Variants in MAP3K2 observed in about 807,000 individuals in gnomAD.
The protein encoded by MAP3K2 is MAP/ERK kinase kinase 2.
In MAP3K2, 24 loss-of-function variants were observed where a neutral mutation model predicts 80.3. That is an observed-to-expected ratio of 0.30 (90% CI 0.22 to 0.42). MAP3K2 has a LOEUF of 0.42. Ranked by LOEUF, MAP3K2 falls within the 10% of genes least tolerant of loss-of-function variation. The pLI is 1.00. For missense variants in MAP3K2, 608 were observed against 750.1 expected (o/e 0.81, Z 2.21); for synonymous variants, 244 against 253.7 (o/e 0.96, Z 0.36).
At position 127,302,037 on chromosome 2, in the gene MAP3K2, GA is replaced by G. The variant is rs1181737724; in HGVS notation, c.*5541del. ...CATGCTTCCCCTAGCCAACCAAAAA[GA>G]GGTACAAGAGAATTTCCTTGTGAAT... On this transcript the variant is annotated 3_prime_UTR_variant, in exon 17 of 17. Transcript: ENST00000682094. 1 of 152,176 alleles carries G rather than the reference GA, an allele frequency of 6.6e-6. No individual in the cohort carries two copies. The highest frequency in any genetic ancestry group is 2.4e-5 in the African/African-American group (1 of 41,444). 9.4% of individuals were successfully genotyped at this position (152,176 alleles called of 1,614,324 possible).
Position 127,322,282 on chromosome 2 carries a change from C to A in MAP3K2, c.839-30G>T, listed in dbSNP as rs558560622. 5 of 1,370,262 alleles carry A rather than the reference C, an allele frequency of 3.6e-6. No homozygotes were observed. The South Asian group carries it at 6.0e-5, about 17-fold the overall frequency. The allele number at this position is 1,370,262 out of a possible 1,614,324, so 84.9% of individuals were successfully genotyped here. A position where few individuals can be genotyped will look rare whatever the true frequency, so the allele number is the denominator to read the frequency against. ...AAAATGAAAAGAGAATGACCTTATA[C>A]CTTTTATTAATATGTTATACTTTTA... is the stretch of plus-strand genomic sequence containing the variant. On this transcript the variant is annotated intron_variant, in intron 11 of 16. Transcript: ENST00000682094. This position sits in a 1 kb window ranked among gnomAD's most constrained non-coding sequence, Gnocchi z 4.2.
At chr2:127,376,486 T>C (rs998914809) in intron 1 of MAP3K2, among the ~76,000 whole-genome samples, 8 of 152,212 alleles carry the variant, frequency 5.3e-5, no homozygotes, top group African/African-American at 1.9e-4. Context: ...CCTGGTCCCC[T>C]AGCCCGCTCT....
Position 127,387,648 on chromosome 2 carries a change from C to G in MAP3K2, c.-262G>C, listed in dbSNP as rs1687394835. 1 of 985,104 alleles carries G rather than the reference C, an allele frequency of 1.0e-6. No individual in the cohort carries two copies. Among genetic ancestry groups the G allele is most frequent in the Non-Finnish European group, 1.2e-6 (1 of 829,812 alleles). 61.0% of individuals were successfully genotyped at this position (985,104 alleles called of 1,614,324 possible). On this transcript the variant is annotated 5_prime_UTR_variant, in exon 1 of 17. Transcript: ENST00000682094. ...AGGCCCGTCCCTCTTTCACATGAAG[C>G]CCGGGCCGGGCGGGGTGGCGGGCGC... is the stretch of plus-strand genomic sequence containing the variant.
At chr2:127,318,708 C>A (rs1685955493) in intron 12 of MAP3K2, among the ~76,000 whole-genome samples, 1 of 152,192 alleles carries the variant, frequency 6.6e-6, no homozygotes, top group African/African-American at 2.4e-5. Flanking sequence ...GAAAGAGTAT[C>A]ATTCCCATCC....
At chr2:127,387,205 T>A (rs116946164) in intron 1 of MAP3K2, among the ~76,000 whole-genome samples, 1 of 152,120 alleles carries the variant, frequency 6.6e-6, no homozygotes, top group African/African-American at 2.4e-5. Context: ...GCAGGGTACG[T>A]GTCTGACAGC....
At chr2:127,317,570 C>T in intron 14 of MAP3K2, 59 bp downstream of exon 14, 3 of 1,390,016 alleles carry the variant, frequency 2.2e-6, no homozygotes, top group Admixed American at 2.8e-5. Context: ...TGTTGTTTTT[C>T]TTTTATTAAC....
At chr2:127,382,303 T>C (rs1015328300) in intron 1 of MAP3K2, among the ~76,000 whole-genome samples, 2 of 152,234 alleles carry the variant, frequency 1.3e-5, no homozygotes, top group Non-Finnish European at 2.9e-5. Flanking sequence ...ATAATGTCCA[T>C]AGCTTAGTTT....
At chr2:127,383,646 C>G (rs1027200150) in intron 1 of MAP3K2, among the ~76,000 whole-genome samples, 6 of 152,146 alleles carry the variant, frequency 3.9e-5, no homozygotes, top group African/African-American at 1.4e-4. Flanking sequence ...ACTTTTCCAA[C>G]TTGGATGCAT....
Position 127,304,652 on chromosome 2 carries a change from A to G in MAP3K2, c.*2927T>C, listed in dbSNP as rs1685661635. The G allele has an allele frequency of 6.6e-6, 1 of 152,604 alleles. No homozygotes were observed. Among genetic ancestry groups the G allele is most frequent in the African/African-American group, 2.4e-5 (1 of 41,456 alleles). The allele number at this position is 152,604 out of a possible 1,614,324, so 9.5% of individuals were successfully genotyped here. A position where few individuals can be genotyped will look rare whatever the true frequency, so the allele number is the denominator to read the frequency against. ...AAAACACATTTAGAGTTATCTTAAAAAGTTCAAATTGCATTTGTTGATCCA... is the reference window on the plus strand; with the variant it reads ...AAAACACATTTAGAGTTATCTTAAAGAGTTCAAATTGCATTTGTTGATCCA... On this transcript the variant is annotated 3_prime_UTR_variant, in exon 17 of 17. Transcript: ENST00000682094.
intron 6 of MAP3K2, 37 bp downstream of exon 6, chr2:127,330,355 C>T: frequency 9.9e-7 from 1 of 1,012,894 alleles, no homozygotes; most frequent in East Asian, 2.5e-5. Context: ...AGCCTAAGTC[C>T]TATAATTCTT....
Position 127,387,686 on chromosome 2 carries a change from AGC to A in MAP3K2, c.-302_-301del. ...GGGTGGCGGGCGCGTGAATCCTCGCAGCCGGCCGGGTCCTCCTGGCGCTCCTC... is the reference window on the plus strand; with the variant it reads ...GGGTGGCGGGCGCGTGAATCCTCGCACGGCCGGGTCCTCCTGGCGCTCCTC... On this transcript the variant is annotated 5_prime_UTR_variant, in exon 1 of 17. Transcript: ENST00000682094. 1 of 985,068 alleles carries A rather than the reference AGC, an allele frequency of 1.0e-6. No homozygotes were observed. Among genetic ancestry groups the A allele is most frequent in the Non-Finnish European group, 1.2e-6 (1 of 829,890 alleles). 61.0% of individuals were successfully genotyped at this position (985,068 alleles called of 1,614,324 possible). A position where few individuals can be genotyped will look rare whatever the true frequency, so the allele number is the denominator to read the frequency against.
At chr2:127,383,385 C>T (rs1263790837) in intron 1 of MAP3K2, among the ~76,000 whole-genome samples, 1 of 152,106 alleles carries the variant, frequency 6.6e-6, no homozygotes, top group Non-Finnish European at 1.5e-5. Context: ...TGTAGTTCTC[C>T]TTATAGAGAT....
intron 1 of MAP3K2, among the ~76,000 whole-genome samples, chr2:127,373,070 C>A (rs1434044277): frequency 6.6e-6 from 1 of 152,178 alleles, no homozygotes; most frequent in Non-Finnish European, 1.5e-5. Flanking sequence ...ATTTACAATA[C>A]CAGCAATCAA....
At chr2:127,340,708 G>A (rs1194027005) in intron 2 of MAP3K2, among the ~76,000 whole-genome samples, 4 of 151,352 alleles carry the variant, frequency 2.6e-5, no homozygotes, top group Non-Finnish European at 5.9e-5. Context: ...ACTAGGGATA[G>A]ATGAACTCTA....
chr2:127,383,520 T>A lies in MAP3K2; in HGVS notation c.-66+3932A>T, dbSNP rs139753821. On this transcript the variant is annotated intron_variant, in intron 1 of 16. Transcript: ENST00000682094. The stretch of plus-strand genomic sequence containing the variant: ...AGAAATGCTCCTCATTTTTGTACAC[T>A]GATTTTGTATTGACACTTTACTGGA... 2.4e-4 allele frequency among the ~76,000 whole-genome samples: 36 copies of A among 152,382 alleles called. 1 individual carries two copies. In the South Asian group the frequency reaches 3.3e-3, roughly 14 times the overall value.
rs1219159188 is a variant in MAP3K2, at chr2:127,304,045, ACT to A, written c.*3532_*3533del. ...CAGTTTCTTTGGGAATAAGGTAAAGACTCTCTCAAGTGAAAGCCAATCCAATT... is the reference window on the plus strand; with the variant it reads ...CAGTTTCTTTGGGAATAAGGTAAAGACTCTCAAGTGAAAGCCAATCCAATT... On this transcript the variant is annotated 3_prime_UTR_variant, in exon 17 of 17. Coordinates refer to ENST00000682094, the MANE Select transcript of MAP3K2 (RefSeq NM_001371910.2). The A allele has an allele frequency of 2.0e-5, 3 of 152,084 alleles. No homozygotes were observed. The highest frequency in any genetic ancestry group is 7.2e-5 in the African/African-American group (3 of 41,426). 9.4% of individuals were successfully genotyped at this position (152,084 alleles called of 1,614,324 possible). A position where few individuals can be genotyped will look rare whatever the true frequency, so the allele number is the denominator to read the frequency against.
Position 127,353,586 on chromosome 2 carries a change from G to A in MAP3K2, c.-65-10392C>T, listed in dbSNP as rs1219681384. Among the ~76,000 whole-genome samples, 25 of 150,010 alleles carry A rather than the reference G, an allele frequency of 1.7e-4. 1 individual carries two copies. In the South Asian group the frequency reaches 5.3e-3, roughly 32 times the overall value. On this transcript the variant is annotated intron_variant, in intron 1 of 16. Transcript: ENST00000682094. The stretch of plus-strand genomic sequence containing the variant: ...GGGAGGTGGGGGGGGTCAGCCCCCC[G>A]CCTGGCCAGCCGCCCCGTCCGGGAG...
chr2:127,356,186 A>AT (rs1686795230), intron 1 of MAP3K2, among the ~76,000 whole-genome samples: 1 of 151,978 alleles, frequency 6.6e-6, no homozygotes, highest in Non-Finnish European at 1.5e-5. Flanking sequence ...GTTAATGTTT[A>AT]TTTTTTTACC....
At chr2:127,369,546 T>C (rs12477214) in intron 1 of MAP3K2, among the ~76,000 whole-genome samples, 104,581 of 149,046 alleles carry the variant, frequency 0.7, 36,847 homozygotes, top group Admixed American at 0.78. Flanking sequence ...GAGATCTCTT[T>C]CCAAAGACTA....
Sources: allele counts gnomAD v4.1 joint callset (sites outside exome capture counted in the v4.1 genomes callset), GRCh38; gene constraint gnomAD v4.1.1; non-coding constraint Gnocchi (gnomAD v3.1); transcripts MANE v1.5; gene names NCBI Gene and HGNC (gene_info 2026-07-23, HGNC 2026-07-21).